GLIS3: variants seen among roughly 807,000 people sequenced by gnomAD.
The protein encoded by GLIS3 is GLIS family zinc finger 3.
GLIS3 carries 53 observed loss-of-function variants against 78.6 expected under a neutral mutation model. The ratio of observed to expected loss-of-function variants is 0.67; its 90% CI spans 0.54 to 0.85. GLIS3 has a LOEUF of 0.85. Ranked by LOEUF, GLIS3 falls within the 40% of genes least tolerant of loss-of-function variation. GLIS3 has a pLI of 0.00. For missense variants in GLIS3, 1,703 were observed against 1,231.1 expected, an observed-to-expected ratio of 1.38 and a Z score of -5.74; for synonymous variants, 684 against 509.9, an observed-to-expected ratio of 1.34 and a Z score of -4.60.
At chr9:4,431,966 T>C in the GLIS3 span, among the ~76,000 whole-genome samples, 1 of 152,094 alleles carries the variant, frequency 6.6e-6, no homozygotes, top group Non-Finnish European at 1.5e-5. Context: ...AATATGTACA[T>C]GAATGGGCAT....
intron 2 of GLIS3, among the ~76,000 whole-genome samples, chr9:4,191,835 T>G (rs1383925337): frequency 6.6e-6 from 1 of 152,136 alleles, no homozygotes; most frequent in African/African-American, 2.4e-5. Flanking sequence ...TGAAAAATAC[T>G]GATGAATCAG....
chr9:3,964,090 T>A (rs1817755912), intron 4 of GLIS3, among the ~76,000 whole-genome samples: 1 of 149,000 alleles, frequency 6.7e-6, no homozygotes, highest in Admixed American at 6.7e-5. Context: ...ACCGAGAGAG[T>A]GCTGGGCTGC....
intron 6 of GLIS3, among the ~76,000 whole-genome samples, chr9:3,921,385 C>A (rs577249043): frequency 1.1e-4 from 16 of 152,248 alleles, no homozygotes; most frequent in Non-Finnish European, 2.2e-4. Context: ...GCATGGGAAC[C>A]GGAAGCTCAG....
At chr9:4,278,805 C>T (rs1274173046) in intron 2 of GLIS3, among the ~76,000 whole-genome samples, 1 of 152,226 alleles carries the variant, frequency 6.6e-6, no homozygotes, top group African/African-American at 2.4e-5. Context: ...GATCTGGTAA[C>T]ACCACCTTAG....
the GLIS3 span, among the ~76,000 whole-genome samples, chr9:4,409,125 C>A: frequency 6.6e-6 from 1 of 152,046 alleles, no homozygotes; most frequent in Admixed American, 6.6e-5. Flanking sequence ...ATGTTGTAAT[C>A]CTGTTAAATT....
At chr9:4,344,351 G>A (rs1464826486) in intron 2 of GLIS3, among the ~76,000 whole-genome samples, 1 of 152,094 alleles carries the variant, frequency 6.6e-6, no homozygotes, top group East Asian at 1.9e-4. Flanking sequence ...TATTTCACCT[G>A]CATTTGGCAT....
the GLIS3 span, among the ~76,000 whole-genome samples, chr9:4,360,780 C>T: frequency 6.6e-5 from 10 of 152,190 alleles, no homozygotes; most frequent in Non-Finnish European, 1.3e-4. Context: ...GAGGCACAGA[C>T]ACCTTGAAGG....
the GLIS3 span, among the ~76,000 whole-genome samples, chr9:4,445,034 G>A: frequency 6.6e-6 from 1 of 152,004 alleles, no homozygotes; most frequent in Non-Finnish European, 1.5e-5. Context: ...TATACTAGTT[G>A]GTTGCATTTC....
chr9:3,911,066 G>C (rs554591037), intron 6 of GLIS3, among the ~76,000 whole-genome samples: 6 of 152,216 alleles, frequency 3.9e-5, no homozygotes, highest in African/African-American at 1.4e-4. Flanking sequence ...AACCTAAATA[G>C]TTAATAGCTT....
the GLIS3 span, among the ~76,000 whole-genome samples, chr9:4,430,155 G>A: frequency 6.6e-6 from 1 of 152,170 alleles, no homozygotes; most frequent in Non-Finnish European, 1.5e-5. Flanking sequence ...AAACCAGCAG[G>A]CCCGGGCTAA....
the GLIS3 span, among the ~76,000 whole-genome samples, chr9:4,408,683 C>G: frequency 2.3e-5 from 3 of 131,220 alleles, no homozygotes; most frequent in Admixed American, 8.1e-5. Context: ...GCCGAGATCA[C>G]GCCACCGCAC....
At chr9:4,140,073 T>A (rs1016754445) in intron 2 of GLIS3, among the ~76,000 whole-genome samples, 1 of 152,192 alleles carries the variant, frequency 6.6e-6, no homozygotes, top group African/African-American at 2.4e-5. Context: ...ATATCTTACA[T>A]AGTCGTCATA....
At chr9:3,961,176 A>C (rs1294745933) in intron 4 of GLIS3, among the ~76,000 whole-genome samples, 1 of 152,198 alleles carries the variant, frequency 6.6e-6, no homozygotes, top group Non-Finnish European at 1.5e-5. Context: ...GCATTATAAG[A>C]AAGTAAATGG....
intron 2 of GLIS3, among the ~76,000 whole-genome samples, chr9:4,272,086 C>T (rs4740763): frequency 0.78 from 118,350 of 152,118 alleles, 46,178 homozygotes; most frequent in Middle Eastern, 0.8. Flanking sequence ...GTGCAATGGC[C>T]GACCCAGAGT....
chr9:4,358,657 T>C, the GLIS3 span, among the ~76,000 whole-genome samples: 2 of 152,066 alleles, frequency 1.3e-5, no homozygotes, highest in Non-Finnish European at 2.9e-5. Flanking sequence ...TCACATGGCC[T>C]TGGCATGCCT....
intron 9 of GLIS3, among the ~76,000 whole-genome samples, chr9:3,853,638 A>C (rs1819580218): frequency 6.6e-6 from 1 of 152,364 alleles, no homozygotes; most frequent in African/African-American, 2.4e-5. Flanking sequence ...AACAAATGTG[A>C]ACTAAGACTC....
At chr9:4,222,830 T>A (rs775813047) in intron 2 of GLIS3, among the ~76,000 whole-genome samples, 1 of 152,226 alleles carries the variant, frequency 6.6e-6, no homozygotes, top group Non-Finnish European at 1.5e-5. Flanking sequence ...CAAATTCATT[T>A]TGCTGTCAGT....
At chr9:4,181,676 A>G (rs545968409) in intron 2 of GLIS3, among the ~76,000 whole-genome samples, 1 of 152,356 alleles carries the variant, frequency 6.6e-6, no homozygotes, top group Admixed American at 6.5e-5. Context: ...TATTCTTTGA[A>G]GCCGTACTTC....
chr9:4,071,326 T>C (rs557899624), intron 4 of GLIS3: 59 of 151,918 alleles, frequency 3.9e-4, no homozygotes, highest in African/African-American at 1.2e-3. Context: ...TCTCTCTCTC[T>C]CTCTCTCCCG....
Sources: gnomAD v4.1 joint callset for allele counts (sites outside exome capture counted in the v4.1 genomes callset) on GRCh38, gnomAD v4.1.1 for gene constraint, MANE v1.5 for transcripts, NCBI Gene and HGNC (gene_info 2026-07-23, HGNC 2026-07-21) for gene names.